The following CACNB4 variants were observed in gnomAD, a reference collection of about 807,000 sequenced individuals.
The protein encoded by CACNB4 is calcium voltage-gated channel auxiliary subunit beta 4, also known as voltage-dependent L-type calcium channel subunit beta-4.
In CACNB4, 32 loss-of-function variants were observed where a neutral mutation model predicts 71.2. That is an observed-to-expected ratio of 0.45 (90% CI 0.34 to 0.60). The LOEUF (loss-of-function observed/expected upper bound fraction) is 0.60, where lower values mean the gene tolerates loss of function less well. CACNB4 is among the 20% of genes least tolerant of loss of function. The probability of loss-of-function intolerance (pLI) is 0.01; values close to 1 mark genes in which losing one functional copy is unlikely to be tolerated. For synonymous variants in CACNB4, 231 were observed against 236.9 expected, an observed-to-expected ratio of 0.97 and a Z score of 0.23; for missense variants, 464 against 647.9, an observed-to-expected ratio of 0.72 and a Z score of 3.08.
intron 2 of CACNB4, among the ~76,000 whole-genome samples, chr2:152,064,247 C>T (rs1686175704): frequency 6.6e-6 from 1 of 152,200 alleles, no homozygotes; most frequent in African/African-American, 2.4e-5. Flanking sequence ...TGGACTTTGG[C>T]AGCCCAGGGA....
intron 2 of CACNB4, among the ~76,000 whole-genome samples, chr2:151,952,860 T>C (rs2099867279): frequency 6.6e-6 from 1 of 152,194 alleles, no homozygotes; most frequent in African/African-American, 2.4e-5. Flanking sequence ...GAGGGGTGAA[T>C]TTCAGGGAAT....
intron 6 of CACNB4, 34 bp downstream of exon 6, chr2:151,872,383 A>C: frequency 8.4e-7 from 1 of 1,194,760 alleles, no homozygotes; most frequent in Non-Finnish European, 1.2e-6. Context: ...AAAGGAATAC[A>C]GTGTATGAAA....
intron 2 of CACNB4, among the ~76,000 whole-genome samples, chr2:151,923,965 C>T (rs1197547533): frequency 6.6e-6 from 1 of 151,554 alleles, no homozygotes; most frequent in African/African-American, 2.4e-5. Context: ...CATCTCCATT[C>T]AGAGGGACTG....
At chr2:151,983,675 TCACACACACACACA>T (rs1553803380) in intron 2 of CACNB4, among the ~76,000 whole-genome samples, 23 of 141,538 alleles carry the variant, frequency 1.6e-4, no homozygotes, top group African/African-American at 5.2e-4. Context: ...TAAACTTTGG[TCACACACACACACA>T]CACACACACA....
intron 2 of CACNB4, among the ~76,000 whole-genome samples, chr2:152,006,968 C>A (rs1682766846): frequency 6.6e-6 from 1 of 152,104 alleles, no homozygotes; most frequent in Non-Finnish European, 1.5e-5. Context: ...AGTAATCTTC[C>A]CTTTCTCAGT....
chr2:152,009,188 C>CA (rs756023829), intron 2 of CACNB4, among the ~76,000 whole-genome samples: 4,914 of 79,744 alleles, frequency 0.062, 164 homozygotes, highest in East Asian at 0.21. Flanking sequence ...GACCCTGTCT[C>CA]AAAAAAAAAA....
At chr2:151,960,088 A>T (rs2099869264) in intron 2 of CACNB4, among the ~76,000 whole-genome samples, 1 of 151,678 alleles carries the variant, frequency 6.6e-6, no homozygotes, top group Non-Finnish European at 1.5e-5. Context: ...AAGTCCTTAA[A>T]CTGTGAAAAT....
Position 151,903,321 on chromosome 2 carries a change from T to C in CACNB4, c.148-19951A>G, listed in dbSNP as rs568939670. ...TGGAGGGCTGGAGTTCCAGACCAGC[T>C]TGGCCAACACAGCAAAACCGCATCT... is the stretch of plus-strand genomic sequence containing the variant. On this transcript the variant is annotated intron_variant, in intron 2 of 13. Transcript: ENST00000539935. Among the ~76,000 whole-genome samples, 4 of 152,050 alleles carry C rather than the reference T, an allele frequency of 2.6e-5. No homozygotes were observed. In the South Asian group the frequency reaches 8.3e-4, roughly 32 times the overall value.
At chr2:152,063,375 C>A (rs922563251) in intron 2 of CACNB4, among the ~76,000 whole-genome samples, 8 of 152,172 alleles carry the variant, frequency 5.3e-5, no homozygotes, top group African/African-American at 9.7e-5. Context: ...TTATTAGCTC[C>A]ATTATGCAGA....
intron 2 of CACNB4, among the ~76,000 whole-genome samples, chr2:151,987,485 T>G (rs1681436650): frequency 6.6e-6 from 1 of 152,182 alleles, no homozygotes; most frequent in African/African-American, 2.4e-5. Flanking sequence ...TGGACATTCC[T>G]GAGCATAATA....
At chr2:152,053,031 T>A (rs908433792) in intron 2 of CACNB4, among the ~76,000 whole-genome samples, 6 of 151,956 alleles carry the variant, frequency 3.9e-5, no homozygotes, top group Non-Finnish European at 5.9e-5. Context: ...AAGAGACATA[T>A]ATTTTGTCTC....
chr2:152,082,238 T>G (rs1319402357), intron 2 of CACNB4, among the ~76,000 whole-genome samples: 1 of 152,222 alleles, frequency 6.6e-6, no homozygotes, highest in Admixed American at 6.5e-5. Flanking sequence ...TCCAGCTCTA[T>G]CCCAAATTAT....
intron 2 of CACNB4, among the ~76,000 whole-genome samples, chr2:151,910,429 G>A (rs2099855901): frequency 6.6e-6 from 1 of 152,104 alleles, no homozygotes. Context: ...GGTTTTTATG[G>A]TTTTGGGTTT....
At chr2:151,972,450 C>T (rs1390826421) in intron 2 of CACNB4, 1 of 152,286 alleles carries the variant, frequency 6.6e-6, no homozygotes, top group African/African-American at 2.4e-5. Flanking sequence ...CAAGTGTGGA[C>T]CTTCTTGATT....
In CACNB4 at chr2:152,022,491, C is replaced by T. The variant is rs141355406; in HGVS notation, c.147+75839G>A. 1.5e-3 allele frequency among the ~76,000 whole-genome samples: 234 copies of T among 152,346 alleles called. 1 individual carries two copies. Among genetic ancestry groups the T allele is most frequent in the African/African-American group, 5.4e-3 (225 of 41,582 alleles). The stretch of plus-strand genomic sequence containing the variant: ...TAATCAAGAATAATCCCTATTGCTA[C>T]AATTTTTCTAAAATTCCCTGGTTTT... On this transcript the variant is annotated intron_variant, in intron 2 of 13. Coordinates refer to ENST00000539935, the MANE Select transcript of CACNB4 (RefSeq NM_000726.5).
In CACNB4 at chr2:151,872,300, G is replaced by GA. The variant is rs570431810; in HGVS notation, c.598+116dup. 382 of 651,946 alleles carry GA rather than the reference G, an allele frequency of 5.9e-4. No homozygotes were observed. The African/African-American group carries it at 6.3e-3, about 11-fold the overall frequency. 40.4% of individuals were successfully genotyped at this position (651,946 alleles called of 1,614,324 possible). A position where few individuals can be genotyped will look rare whatever the true frequency, so the allele number is the denominator to read the frequency against. On this transcript the variant is annotated intron_variant, in intron 6 of 13. Transcript: ENST00000539935. ...AATGAGAAATGAAATATTAATTAGA[G>GA]AATCTTTAAATTAAGCCTTCAAATT...
chr2:152,093,400 GGTGTGTGTGTGT>G lies in CACNB4; in HGVS notation c.147+4918_147+4929del, dbSNP rs34845177. ...CACTGAATTTGACTTGCTGTTTTTT[GGTGTGTGTGTGT>G]GTGTGTGTGTGTGTGTGTATTTTTA... On this transcript the variant is annotated intron_variant, in intron 2 of 13. Coordinates refer to ENST00000539935, the MANE Select transcript of CACNB4 (RefSeq NM_000726.5). Among the ~76,000 whole-genome samples, 4 of 146,558 alleles carry G rather than the reference GGTGTGTGTGTGT, an allele frequency of 2.7e-5. No individual in the cohort carries two copies. In the East Asian group the frequency reaches 6.0e-4, roughly 22 times the overall value.
intron 2 of CACNB4, among the ~76,000 whole-genome samples, chr2:151,886,100 G>T (rs979227949): frequency 2.0e-5 from 3 of 152,028 alleles, no homozygotes; most frequent in Non-Finnish European, 4.4e-5. Flanking sequence ...GGTGTGAACC[G>T]CTGTGCCTGA....
chr2:152,091,057 A>G (rs1204969901), intron 2 of CACNB4, among the ~76,000 whole-genome samples: 10 of 151,930 alleles, frequency 6.6e-5, no homozygotes, highest in South Asian at 2.1e-4. Flanking sequence ...AAAAAAAAAA[A>G]GTGAAATTTA....
Sources: gnomAD v4.1 joint callset for allele counts (sites outside exome capture counted in the v4.1 genomes callset) on GRCh38, gnomAD v4.1.1 for gene constraint, MANE v1.5 for transcripts, NCBI Gene and HGNC (gene_info 2026-07-23, HGNC 2026-07-21) for gene names.